Variants in CTSB observed in about 807,000 individuals in gnomAD.
The protein encoded by CTSB is cathepsin B, also known as APP secretase.
Under a neutral mutation model 44.3 loss-of-function variants are expected in CTSB, and 57 were observed. That is an observed-to-expected ratio of 1.29 (90% CI 1.04 to 1.60). The LOEUF is 1.60. Ranked by LOEUF, CTSB falls within the 40% of genes most tolerant of loss-of-function variation. CTSB has a pLI of 0.00. For missense variants in CTSB, 768 were observed against 443.0 expected, an observed-to-expected ratio of 1.73 and a Z score of -6.59; for synonymous variants, 320 against 168.0, an observed-to-expected ratio of 1.91 and a Z score of -7.00.
Position 11,843,898 on chromosome 8 carries a change from G to C in CTSB, c.*1227C>G, listed in dbSNP as rs1038263170. 10 of 152,202 alleles carry C rather than the reference G, an allele frequency of 6.6e-5. No homozygotes were observed. The highest frequency in any genetic ancestry group is 2.2e-4 in the African/African-American group (9 of 41,444). 9.4% of individuals were successfully genotyped at this position (152,202 alleles called of 1,614,324 possible). A position where few individuals can be genotyped will look rare whatever the true frequency, so the allele number is the denominator to read the frequency against. On this transcript the variant is annotated 3_prime_UTR_variant, in exon 10 of 10. Transcript: ENST00000353047. The stretch of plus-strand genomic sequence containing the variant: ...AATACAAAAATTACCCAGGCATATT[G>C]GTGAGTGCCTGTCATCCCAGCTACT...
At chr8:11,848,183 G>A (rs770821182) in intron 5 of CTSB, 31 bp from the exon 6 acceptor site, 5 of 1,590,132 alleles carry the variant, frequency 3.1e-6, no homozygotes, top group Non-Finnish European at 4.3e-6. Flanking sequence ...GAAAACCTCT[G>A]AGAGAAGCAC....
chr8:11,852,860 G>A (rs1293292), intron 2 of CTSB, among the ~76,000 whole-genome samples, 165 bp from the exon 3 acceptor site: 30,191 of 152,194 alleles, frequency 0.2, 3,820 homozygotes, highest in Middle Eastern at 0.32. Context: ...CACACGGGCA[G>A]AGTGGGTGTC....
intron 1 of CTSB, among the ~76,000 whole-genome samples, chr8:11,863,944 C>G (rs1213687922): frequency 6.6e-6 from 1 of 152,158 alleles, no homozygotes; most frequent in African/African-American, 2.4e-5. Flanking sequence ...AGAAACTCTT[C>G]TAAGTATCTG....
chr8:11,848,782 G>A (rs1443761777), intron 5 of CTSB: 4 of 384,078 alleles, frequency 1.0e-5, no homozygotes, highest in African/African-American at 4.1e-5. Context: ...CAGACCAGGG[G>A]CCAGACATTC....
In CTSB at chr8:11,852,672, C is replaced by T. The variant is rs767037060; in HGVS notation, c.150G>A (p.Val50=). 2 of 1,614,078 alleles carry T rather than the reference C, an allele frequency of 1.2e-6. No individual in the cohort carries two copies. The highest frequency in any genetic ancestry group is 1.7e-5 in the Admixed American group (1 of 60,026). The change falls in exon 3 of 10, where the codon GTG becomes GTA. Residue 50 remains valine, a synonymous_variant. Transcript: ENST00000353047. ...TWQAGHNFYN[V]DMSYLKRLCG... is the part of the protein sequence containing the mutation. ...ATAGCCTCTTCAAGTAGCTCATGTCCACGTTGTAGAAGTTGTGCCCGGCCT... is the reference window on the plus strand; with the variant it reads ...ATAGCCTCTTCAAGTAGCTCATGTCTACGTTGTAGAAGTTGTGCCCGGCCT...
chr8:11,864,864 G>C (rs1736111), intron 1 of CTSB, among the ~76,000 whole-genome samples: 40 of 151,392 alleles, frequency 2.6e-4, no homozygotes, highest in Non-Finnish European at 5.0e-4. Context: ...AGTGAGCTGA[G>C]ATTGTGCCAC....
At chr8:11,846,721 C>T (rs73543187) in intron 8 of CTSB, among the ~76,000 whole-genome samples, 209 of 152,268 alleles carry the variant, frequency 1.4e-3, no homozygotes, top group African/African-American at 4.6e-3. Context: ...GCCAGGAAGG[C>T]GAGGGCAGGC....
rs2130951363 is a variant in CTSB, at chr8:11,842,867, C to CCT, written c.*2256_*2257dup. On this transcript the variant is annotated 3_prime_UTR_variant, in exon 10 of 10. Coordinates refer to ENST00000353047, the MANE Select transcript of CTSB (RefSeq NM_001908.5). The stretch of plus-strand genomic sequence containing the variant: ...CCAAGGCTGATCTCAAAACTCCTGA[C>CCT]CTCAGGTGATCTGCCCGCCTCAGCC... 1 of 150,766 alleles carries CCT rather than the reference C, an allele frequency of 6.6e-6. No individual in the cohort carries two copies. Among genetic ancestry groups the CCT allele is most frequent in the Non-Finnish European group, 1.5e-5 (1 of 67,916 alleles). 9.3% of individuals were successfully genotyped at this position (150,766 alleles called of 1,614,324 possible). A position where few individuals can be genotyped will look rare whatever the true frequency, so the allele number is the denominator to read the frequency against.
chr8:11,852,605 C>T lies in CTSB; in HGVS notation c.212+5G>A, dbSNP rs1480858356. On this transcript the variant is annotated splice_donor_5th_base_variant and intron_variant, in intron 3 of 9. Coordinates refer to ENST00000353047, the MANE Select transcript of CTSB (RefSeq NM_001908.5). ...TTACAGCGGTGCAGAGGAGCAGGCA[C>T]TCACCTCTGGGGTGGCTTGGGCCCA... 1.2e-6 allele frequency: 2 copies of T among 1,610,028 alleles called. No homozygotes were observed. Among genetic ancestry groups the T allele is most frequent in the East Asian group, 2.2e-5 (1 of 44,846 alleles).
At chr8:11,855,075 T>G (rs1815289975) in intron 1 of CTSB, 1 of 152,420 alleles carries the variant, frequency 6.6e-6, no homozygotes, top group African/African-American at 2.4e-5. Flanking sequence ...CAGGCTGGAG[T>G]GCAATGGCAT....
rs1032336770 is a variant in CTSB at position 11,842,633 on chromosome 8, C to G, written c.*2492G>C. The G allele has an allele frequency of 6.6e-6, 1 of 151,438 alleles. No individual in the cohort carries two copies. The highest frequency in any genetic ancestry group is 2.4e-5 in the African/African-American group (1 of 41,200). The allele number at this position is 151,438 out of a possible 1,614,324, so 9.4% of individuals were successfully genotyped here. On this transcript the variant is annotated 3_prime_UTR_variant, in exon 10 of 10. Coordinates refer to ENST00000353047, the MANE Select transcript of CTSB (RefSeq NM_001908.5). ...ATGGTAACCTTTGTTAAGCATCTTT[C>G]TTTTTCTTTTTTTTTTTGGTGAGAC... is the stretch of plus-strand genomic sequence containing the variant.
intron 7 of CTSB, 88 bp from the exon 8 acceptor site, chr8:11,847,256 G>T (rs1336968371): frequency 1.2e-6 from 1 of 840,572 alleles, no homozygotes; most frequent in Non-Finnish European, 2.0e-6. Context: ...ATTTCTGGTG[G>T]CCTCCAGGGG....
At position 11,849,165 on chromosome 8, in the gene CTSB, C is replaced by T; in HGVS notation, c.328-1G>A. On this transcript the variant is annotated splice_acceptor_variant, in intron 4 of 9. Transcript: ENST00000353047. LOFTEE classifies it high-confidence loss of function. ...AGATGGCTTCCACAGCCCCGAAGGCCTGCAGGAACGAGCCCCACCGGGTGA... is the reference window on the plus strand; with the variant it reads ...AGATGGCTTCCACAGCCCCGAAGGCTTGCAGGAACGAGCCCCACCGGGTGA... The T allele has an allele frequency of 1.2e-6, 2 of 1,611,492 alleles. No homozygotes were observed. Among genetic ancestry groups the T allele is most frequent in the Non-Finnish European group, 1.7e-6 (2 of 1,179,280 alleles).
At chr8:11,846,054 T>TAATA (rs928730488) in intron 8 of CTSB, 4 of 297,208 alleles carry the variant, frequency 1.3e-5, no homozygotes, top group African/African-American at 8.7e-5. Flanking sequence ...ATAGAATTTC[T>TAATA]AATACATTCT....
At chr8:11,851,343 C>G (rs936735528) in intron 3 of CTSB, among the ~76,000 whole-genome samples, 1 of 151,960 alleles carries the variant, frequency 6.6e-6, no homozygotes, top group Non-Finnish European at 1.5e-5. Context: ...GCATGCACCA[C>G]CACACCCGGC....
intron 1 of CTSB, among the ~76,000 whole-genome samples, chr8:11,864,139 C>T (rs1206465079): frequency 6.6e-6 from 1 of 151,964 alleles, no homozygotes; most frequent in Non-Finnish European, 1.5e-5. Context: ...GTCATATAAA[C>T]TTTAATAACA....
chr8:11,847,102 G>A lies in CTSB; in HGVS notation c.743C>T (p.Pro248Leu). The change falls in exon 8 of 10, where the codon CCC (proline) becomes CTC (leucine). Residue 248 changes from proline to leucine, a missense_variant. By Grantham distance (98) the Pro-to-Leu change is moderately conservative. Transcript: ENST00000353047. ...ATACACAGAGAAAGCTCCCTCCACGGGGCCGTTTTTGTAGATCTCGGCCAT... is the reference window on the plus strand; with the variant it reads ...ATACACAGAGAAAGCTCCCTCCACGAGGCCGTTTTTGTAGATCTCGGCCAT... ...DIMAEIYKNG[P>L]VEGAFSVYSD... 6.2e-7 allele frequency: 1 copy of A among 1,613,830 alleles called. No homozygotes were observed. Among genetic ancestry groups the A allele is most frequent in the Non-Finnish European group, 8.5e-7 (1 of 1,179,706 alleles).
intron 5 of CTSB, chr8:11,848,633 G>T: frequency 3.3e-6 from 1 of 306,480 alleles, no homozygotes; most frequent in Non-Finnish European, 6.4e-6. Flanking sequence ...GAACCAAGGC[G>T]AGGCTGCAGG....
chr8:11,865,967 C>T (rs367994346), intron 1 of CTSB, among the ~76,000 whole-genome samples: 30 of 141,782 alleles, frequency 2.1e-4, no homozygotes, highest in African/African-American at 6.8e-4. Context: ...GGCAGTGAAC[C>T]GAGATCGCAC....
Sources: allele counts gnomAD v4.1 joint callset (sites outside exome capture counted in the v4.1 genomes callset), GRCh38; gene constraint gnomAD v4.1.1; transcripts MANE v1.5; gene names NCBI Gene and HGNC (gene_info 2026-07-23, HGNC 2026-07-21).